Variants in ZDHHC12 observed in about 807,000 individuals in gnomAD.
The protein encoded by ZDHHC12 is zDHHC palmitoyltransferase 12.
ZDHHC12 carries 26 observed loss-of-function variants against 33.2 expected under a neutral mutation model. That is an observed-to-expected ratio of 0.78 (90% CI 0.57 to 1.09). The LOEUF is 1.09. ZDHHC12 is among the 50% of genes least tolerant of loss of function. The probability of loss-of-function intolerance (pLI) is 0.00; values close to 1 mark genes in which losing one functional copy is unlikely to be tolerated. For synonymous variants in ZDHHC12, 154 were observed against 152.1 expected, an observed-to-expected ratio of 1.01 and a Z score of -0.09; for missense variants, 350 against 353.0, an observed-to-expected ratio of 0.99 and a Z score of 0.07.
In ZDHHC12 at chr9:128,724,013, C is replaced by A. The variant is rs1292294167; in HGVS notation, c.81G>T (p.Val27=). Residue 27 remains valine (V), a synonymous_variant, in exon 1 of 5, where the codon GTG becomes GTT. Transcript: ENST00000372663. Reference sequence around the variant, plus strand: ...GCTCACCGGTATCGTGCAGGAAGAGCACCAGCGTGATTCCCCAGGTCAGCA... The same window carrying A: ...GCTCACCGGTATCGTGCAGGAAGAGAACCAGCGTGATTCCCCAGGTCAGCA... ...HTVLTWGITL[V]LFLHDTELRQ... is the part of the protein sequence containing the mutation. 2 of 1,612,942 alleles carry A rather than the reference C, an allele frequency of 1.2e-6. No individual in the cohort carries two copies. Among genetic ancestry groups the A allele is most frequent in the Non-Finnish European group, 1.7e-6 (2 of 1,179,496 alleles).
In ZDHHC12 at chr9:128,721,231, C is replaced by T. The variant is rs1279491397; in HGVS notation, c.754G>A (p.Glu252Lys). Residue 252 changes from glutamate (E) to lysine (K), a missense_variant, in exon 5 of 5, where the codon GAG (glutamate) becomes AAG (lysine). Transcript: ENST00000372663. This position sits in a 1 kb window ranked among gnomAD's most constrained non-coding sequence, Gnocchi z 6.9. ...TCCTCCTCCTCAGCCCAGAGGGTCT[C>T]CCAGGACCCTGAGGGCCATCCACAG... ...FFCGWPSGSW[E>K]TLWAEEEEEG... 1 of 1,604,594 alleles carries T rather than the reference C, an allele frequency of 6.2e-7. No homozygotes were observed. The highest frequency in any genetic ancestry group is 8.5e-7 in the Non-Finnish European group (1 of 1,176,208).
chr9:128,724,039 C>A lies in ZDHHC12; in HGVS notation c.55G>T (p.Val19Leu), dbSNP rs1862650491. The A allele has an allele frequency of 1.9e-6, 3 of 1,612,170 alleles. No homozygotes were observed. Among genetic ancestry groups the A allele is most frequent in the Non-Finnish European group, 2.5e-6 (3 of 1,178,936 alleles). ...ACCAGCGTGATTCCCCAGGTCAGCACGGTGTGCCCGGTCCGCACCAGGACC... is the reference window on the plus strand; with the variant it reads ...ACCAGCGTGATTCCCCAGGTCAGCAAGGTGTGCCCGGTCCGCACCAGGACC... The part of the protein sequence containing the change: ...PGVLVRTGHT[V>L]LTWGITLVLF... The change falls in exon 1 of 5, where the codon GTG becomes TTG. Residue 19 changes from valine to leucine, a missense_variant. Physicochemically the swap from Val to Leu is conservative, Grantham distance 32. Transcript: ENST00000372663.
At position 128,723,914 on chromosome 9, in the gene ZDHHC12, C is replaced by T; in HGVS notation, c.100+80G>A. 1 of 1,532,434 alleles carries T rather than the reference C, an allele frequency of 6.5e-7. No homozygotes were observed. The highest frequency in any genetic ancestry group is 8.8e-7 in the Non-Finnish European group (1 of 1,131,454). The allele number at this position is 1,532,434 out of a possible 1,614,324, so 94.9% of individuals were successfully genotyped here. ...AATCCCAGGATCTCCAGGGATTAGG[C>T]GGGAGACCCAGTGTGACCAGAACGT... On this transcript the variant is annotated intron_variant, in intron 1 of 4. Transcript: ENST00000372663. This position sits in a 1 kb window ranked among gnomAD's most constrained non-coding sequence, Gnocchi z 4.4.
rs1862589077 is a variant in ZDHHC12 at position 128,722,342 on chromosome 9, G to A, written c.237+96C>T. Reference sequence around the variant, plus strand: ...TCTAGGGGTGGCAAGAGGAGTCACTGAACTGCTCCCACAAGAGCCTGCAGC... The same window carrying A: ...TCTAGGGGTGGCAAGAGGAGTCACTAAACTGCTCCCACAAGAGCCTGCAGC... On this transcript the variant is annotated intron_variant, in intron 2 of 4. Coordinates refer to ENST00000372663, the MANE Select transcript of ZDHHC12 (RefSeq NM_032799.5). The surrounding 1 kb of genome is among the most constrained non-coding windows in gnomAD (Gnocchi z 4.2). 7.1e-7 allele frequency: 1 copy of A among 1,413,062 alleles called. No homozygotes were observed. Among genetic ancestry groups the A allele is most frequent in the African/African-American group, 1.5e-5 (1 of 68,962 alleles). The allele number at this position is 1,413,062 out of a possible 1,614,324, so 87.5% of individuals were successfully genotyped here.
chr9:128,722,163 C>T lies in ZDHHC12; in HGVS notation c.238-77G>A, dbSNP rs529231255. ...ATTGGCGGGCAGCTCCCCTAGGGGC[C>T]GGCTTAGCTCTGGGTATGGAGTTTG... On this transcript the variant is annotated intron_variant, in intron 2 of 4. Coordinates refer to ENST00000372663, the MANE Select transcript of ZDHHC12 (RefSeq NM_032799.5). The surrounding 1 kb of genome is among the most constrained non-coding windows in gnomAD (Gnocchi z 4.2). 152 of 1,555,858 alleles carry T rather than the reference C, an allele frequency of 9.8e-5. 1 individual carries two copies. In the African/African-American group the frequency reaches 1.6e-3, roughly 17 times the overall value.
chr9:128,720,938 G>C lies in ZDHHC12; in HGVS notation c.*243C>G, dbSNP rs141094184. On this transcript the variant is annotated 3_prime_UTR_variant, in exon 5 of 5. Transcript: ENST00000372663. This position sits in a 1 kb window ranked among gnomAD's most constrained non-coding sequence, Gnocchi z 5.5. ...AGTGTGCACTGGCAGCAGCCTGGGC[G>C]GGGCTGGGGTGGAGCCCGGGGTCTG... is the stretch of plus-strand genomic sequence containing the variant. 1 of 586,846 alleles carries C rather than the reference G, an allele frequency of 1.7e-6. No individual in the cohort carries two copies. Among genetic ancestry groups the C allele is most frequent in the Non-Finnish European group, 3.0e-6 (1 of 336,050 alleles). 36.4% of individuals were successfully genotyped at this position (586,846 alleles called of 1,614,324 possible). A position where few individuals can be genotyped will look rare whatever the true frequency, so the allele number is the denominator to read the frequency against.
At position 128,724,099 on chromosome 9, in the gene ZDHHC12, C is replaced by T. The variant is rs758914122; in HGVS notation, c.-6G>A. 5.8e-5 allele frequency: 90 copies of T among 1,552,976 alleles called. No individual in the cohort carries two copies. Among genetic ancestry groups the T allele is most frequent in the Non-Finnish European group, 7.9e-5 (90 of 1,146,122 alleles). On this transcript the variant is annotated 5_prime_UTR_variant, in exon 1 of 5. Coordinates refer to ENST00000372663, the MANE Select transcript of ZDHHC12 (RefSeq NM_032799.5). ...AGGAGCGCCCAGGGCGCCATCGCCTCGGCCCGGGGCCCCACCCGGAAGAAG... is the reference window on the plus strand; with the variant it reads ...AGGAGCGCCCAGGGCGCCATCGCCTTGGCCCGGGGCCCCACCCGGAAGAAG...
chr9:128,721,545 G>C lies in ZDHHC12; in HGVS notation c.483-43C>G, dbSNP rs758860928. The C allele has an allele frequency of 1.3e-5, 20 of 1,590,776 alleles. No individual in the cohort carries two copies. Among genetic ancestry groups the C allele is most frequent in the Admixed American group, 1.7e-5 (1 of 57,830 alleles). On this transcript the variant is annotated intron_variant, in intron 4 of 4. Coordinates refer to ENST00000372663, the MANE Select transcript of ZDHHC12 (RefSeq NM_032799.5). The surrounding 1 kb of genome is among the most constrained non-coding windows in gnomAD (Gnocchi z 6.9). ...GGGGCCTGGTGCTGGGGGAGGGCAG[G>C]GGAGCCCTTCCCTCCCCATGCCGGG...
rs1019018927 is a variant in ZDHHC12, at chr9:128,723,856, G to C, written c.100+138C>G. On this transcript the variant is annotated intron_variant, in intron 1 of 4. Coordinates refer to ENST00000372663, the MANE Select transcript of ZDHHC12 (RefSeq NM_032799.5). This position sits in a 1 kb window ranked among gnomAD's most constrained non-coding sequence, Gnocchi z 4.4. ...GGTGGCTCTTGGAATGATAGATGGG[G>C]AGAGGGCTTCAGGAGCTGGTGGAGA... is the stretch of plus-strand genomic sequence containing the variant. 28 of 1,316,008 alleles carry C rather than the reference G, an allele frequency of 2.1e-5. No homozygotes were observed. In the African/African-American group the frequency reaches 3.5e-4, roughly 17 times the overall value. The allele number at this position is 1,316,008 out of a possible 1,614,324, so 81.5% of individuals were successfully genotyped here.
In ZDHHC12 at chr9:128,722,112, CAG is replaced by C. The variant is rs1159337808; in HGVS notation, c.238-28_238-27del. The C allele has an allele frequency of 3.1e-6, 5 of 1,613,632 alleles. No individual in the cohort carries two copies. The highest frequency in any genetic ancestry group is 4.2e-6 in the Non-Finnish European group (5 of 1,179,770). Reference sequence around the variant, plus strand: ...CTGGAATGAGGGGTGGGGTGTAAGACAGGGTCCCCTTGGGAGACAGATGGCAT... The same window carrying C: ...CTGGAATGAGGGGTGGGGTGTAAGACGGTCCCCTTGGGAGACAGATGGCAT... On this transcript the variant is annotated intron_variant, in intron 2 of 4. Transcript: ENST00000372663. The surrounding 1 kb of genome is among the most constrained non-coding windows in gnomAD (Gnocchi z 4.2).
Position 128,722,880 on chromosome 9 carries a change from G to T in ZDHHC12, c.101-306C>A. 1 of 718,200 alleles carries T rather than the reference G, an allele frequency of 1.4e-6. No individual in the cohort carries two copies. The highest frequency in any genetic ancestry group is 2.0e-6 in the Non-Finnish European group (1 of 508,990). The allele number at this position is 718,200 out of a possible 1,614,324, so 44.5% of individuals were successfully genotyped here. Reference sequence around the variant, plus strand: ...AGAAGAGAGTCGCTACAAAGGCCTGGCAGGAAGTGAGGGAGGAAGGAATGG... The same window carrying T: ...AGAAGAGAGTCGCTACAAAGGCCTGTCAGGAAGTGAGGGAGGAAGGAATGG... On this transcript the variant is annotated intron_variant, in intron 1 of 4. Transcript: ENST00000372663. The surrounding 1 kb of genome is among the most constrained non-coding windows in gnomAD (Gnocchi z 4.2).
In ZDHHC12 at chr9:128,722,761, T is replaced by A; in HGVS notation, c.101-187A>T. On this transcript the variant is annotated intron_variant, in intron 1 of 4. Transcript: ENST00000372663. This position sits in a 1 kb window ranked among gnomAD's most constrained non-coding sequence, Gnocchi z 4.2. ...TTATCTGGAGGGTCAGAGGGAACCATGGAAGGTTATAGAGCCAGATCTGTT... is the reference window on the plus strand; with the variant it reads ...TTATCTGGAGGGTCAGAGGGAACCAAGGAAGGTTATAGAGCCAGATCTGTT... The A allele has an allele frequency of 7.0e-7, 1 of 1,430,338 alleles. No individual in the cohort carries two copies. Among genetic ancestry groups the A allele is most frequent in the Non-Finnish European group, 9.2e-7 (1 of 1,087,718 alleles). 88.6% of individuals were successfully genotyped at this position (1,430,338 alleles called of 1,614,324 possible).
Position 128,721,016 on chromosome 9 carries a change from C to T in ZDHHC12, c.*165G>A. On this transcript the variant is annotated 3_prime_UTR_variant, in exon 5 of 5. Coordinates refer to ENST00000372663, the MANE Select transcript of ZDHHC12 (RefSeq NM_032799.5). This position sits in a 1 kb window ranked among gnomAD's most constrained non-coding sequence, Gnocchi z 6.9. The stretch of plus-strand genomic sequence containing the variant: ...TTTCTTCCCCTTCTTCCTTGGAAGG[C>T]AGAACTGCCCACCAAGGCAGGGATC... 1 of 763,490 alleles carries T rather than the reference C, an allele frequency of 1.3e-6. No individual in the cohort carries two copies. The highest frequency in any genetic ancestry group is 2.0e-6 in the Non-Finnish European group (1 of 493,978). 47.3% of individuals were successfully genotyped at this position (763,490 alleles called of 1,614,324 possible).
In ZDHHC12 at chr9:128,722,577, G is replaced by A. The variant is rs759456910; in HGVS notation, c.101-3C>T. 1 of 1,591,198 alleles carries A rather than the reference G, an allele frequency of 6.3e-7. No individual in the cohort carries two copies. Among genetic ancestry groups the A allele is most frequent in the South Asian group, 1.1e-5 (1 of 87,536 alleles). ...CTGCTCCTCCCATTGCCGCAGCTCT[G>A]GAGAGGCCGGAGAGCACAGTGAGGC... On this transcript the variant is annotated splice_region_variant and splice_polypyrimidine_tract_variant and intron_variant, in intron 1 of 4. Transcript: ENST00000372663. This position sits in a 1 kb window ranked among gnomAD's most constrained non-coding sequence, Gnocchi z 4.2.
chr9:128,720,959 G>A lies in ZDHHC12; in HGVS notation c.*222C>T. 2 of 605,902 alleles carry A rather than the reference G, an allele frequency of 3.3e-6. No homozygotes were observed. Among genetic ancestry groups the A allele is most frequent in the South Asian group, 2.2e-5 (1 of 46,206 alleles). 37.5% of individuals were successfully genotyped at this position (605,902 alleles called of 1,614,324 possible). On this transcript the variant is annotated 3_prime_UTR_variant, in exon 5 of 5. Transcript: ENST00000372663. This position sits in a 1 kb window ranked among gnomAD's most constrained non-coding sequence, Gnocchi z 5.5. The stretch of plus-strand genomic sequence containing the variant: ...GGGCGGGGCTGGGGTGGAGCCCGGG[G>A]TCTGCTTGGGCCTGAGCCACCCACA...
At position 128,721,359 on chromosome 9, in the gene ZDHHC12, G is replaced by T. The variant is rs201419724; in HGVS notation, c.626C>A (p.Thr209Asn). 4.8e-5 allele frequency: 76 copies of T among 1,587,638 alleles called. No homozygotes were observed. The highest frequency in any genetic ancestry group is 6.3e-5 in the Non-Finnish European group (73 of 1,167,050). Residue 209 changes from threonine (T) to asparagine (N), a missense_variant, in exon 5 of 5, where the codon ACC (threonine) becomes AAC (asparagine). Transcript: ENST00000372663. The surrounding 1 kb of genome is among the most constrained non-coding windows in gnomAD (Gnocchi z 6.9). Reference protein sequence around the residue: ...VSHLYLVASNTTTWEFISSHR... With the variant: ...VSHLYLVASNNTTWEFISSHR... ...TGAGGAGATGAATTCCCAGGTGGTG[G>T]TGTTGCTGGCCACCAGGTAGAGGTG...
rs1193115949 is a variant in ZDHHC12, at chr9:128,723,584, G to GGGGTGT, written c.100+404_100+409dup. The GGGGTGT allele has an allele frequency of 3.2e-6, 1 of 307,776 alleles. No individual in the cohort carries two copies. The highest frequency in any genetic ancestry group is 6.0e-6 in the Non-Finnish European group (1 of 165,686). The allele number at this position is 307,776 out of a possible 1,614,324, so 19.1% of individuals were successfully genotyped here. A position where few individuals can be genotyped will look rare whatever the true frequency, so the allele number is the denominator to read the frequency against. ...GCAGCTAGTGGCCATGGGGGTGTGG[G>GGGGTGT]GGGTGTGGGTGTGGGCAGAATGCCA... On this transcript the variant is annotated intron_variant, in intron 1 of 4. Coordinates refer to ENST00000372663, the MANE Select transcript of ZDHHC12 (RefSeq NM_032799.5). This position sits in a 1 kb window ranked among gnomAD's most constrained non-coding sequence, Gnocchi z 4.4.
At position 128,722,829 on chromosome 9, in the gene ZDHHC12, G is replaced by C; in HGVS notation, c.101-255C>G. The C allele has an allele frequency of 1.6e-6, 2 of 1,245,966 alleles. No individual in the cohort carries two copies. Among genetic ancestry groups the C allele is most frequent in the Non-Finnish European group, 2.1e-6 (2 of 952,420 alleles). 77.2% of individuals were successfully genotyped at this position (1,245,966 alleles called of 1,614,324 possible). ...TAAAGAAATGGATCAGGGGAAGCCT[G>C]GGGGCAGAGAATCTGGCCAGGAGGA... On this transcript the variant is annotated intron_variant, in intron 1 of 4. Coordinates refer to ENST00000372663, the MANE Select transcript of ZDHHC12 (RefSeq NM_032799.5). This position sits in a 1 kb window ranked among gnomAD's most constrained non-coding sequence, Gnocchi z 4.2.
Position 128,721,254 on chromosome 9 carries a change from C to T in ZDHHC12, c.731G>A (p.Cys244Tyr). 5.6e-6 allele frequency: 9 copies of T among 1,605,442 alleles called. No homozygotes were observed. Among genetic ancestry groups the T allele is most frequent in the Non-Finnish European group, 7.7e-6 (9 of 1,176,200 alleles). Residue 244 changes from cysteine (C) to tyrosine (Y), a missense_variant, in exon 5 of 5, where the codon TGT (cysteine) becomes TAT (tyrosine). By Grantham distance (194) the Cys-to-Tyr change is radical. Transcript: ENST00000372663. This position sits in a 1 kb window ranked among gnomAD's most constrained non-coding sequence, Gnocchi z 6.9. ...GLTRNLAHFF[C>Y]GWPSGSWETL... The stretch of plus-strand genomic sequence containing the variant: ...CTCCCAGGACCCTGAGGGCCATCCA[C>T]AGAAGAAGTGGGCCAGGTTGCGGGT...
Sources: allele counts gnomAD v4.1 joint callset, GRCh38; gene constraint gnomAD v4.1.1; non-coding constraint Gnocchi (gnomAD v3.1); transcripts MANE v1.5; gene names NCBI Gene and HGNC (gene_info 2026-07-23, HGNC 2026-07-21).